Variants in COL25A1 observed in about 807,000 individuals in gnomAD.
The protein encoded by COL25A1 is collagen type XXV alpha 1 chain, also known as collagen alpha-1(XXV) chain.
COL25A1 carries 103 observed loss-of-function variants against 128.4 expected under a neutral mutation model. The ratio of observed to expected loss-of-function variants is 0.80; its 90% CI spans 0.68 to 0.94. The LOEUF (loss-of-function observed/expected upper bound fraction) is 0.94, where lower values mean the gene tolerates loss of function less well. Ranked by LOEUF, COL25A1 falls within the 40% of genes least tolerant of loss-of-function variation. COL25A1 has a pLI of 0.00. For synonymous variants in COL25A1, 279 were observed against 277.2 expected (o/e 1.01, Z -0.06); for missense variants, 745 against 840.0 (o/e 0.89, Z 1.40).
At chr4:109,183,615 G>A (rs186457391) in intron 3 of COL25A1, among the ~76,000 whole-genome samples, 1 of 152,104 alleles carries the variant, frequency 6.6e-6, no homozygotes, top group African/African-American at 2.4e-5. Context: ...ACTATAACGA[G>A]GTATTTCAGA....
intron 8 of COL25A1, among the ~76,000 whole-genome samples, chr4:108,950,761 C>T (rs1311257209): frequency 6.6e-6 from 1 of 152,134 alleles, no homozygotes; most frequent in Non-Finnish European, 1.5e-5. Context: ...TGCATTCCTT[C>T]GTGTGACAAA....
chr4:109,122,045 T>C (rs1768151059), intron 3 of COL25A1, among the ~76,000 whole-genome samples: 1 of 152,082 alleles, frequency 6.6e-6, no homozygotes, highest in Admixed American at 6.6e-5. Context: ...TATTATATGA[T>C]TCCAGCTATA....
intron 6 of COL25A1, among the ~76,000 whole-genome samples, chr4:109,004,997 G>T (rs1022866500): frequency 6.6e-6 from 1 of 152,174 alleles, no homozygotes; most frequent in African/African-American, 2.4e-5. Context: ...TTTAAAGGAT[G>T]CCCAATCCCT....
At position 109,235,543 on chromosome 4, in the gene COL25A1, C is replaced by T. The variant is rs548453792; in HGVS notation, c.367+65040G>A. Among the ~76,000 whole-genome samples, 19 of 107,886 alleles carry T rather than the reference C, an allele frequency of 1.8e-4. No individual in the cohort carries two copies. The South Asian group carries it at 4.6e-3, about 26-fold the overall frequency. 70.8% of individuals were successfully genotyped at this position (107,886 alleles called of 152,430 possible). On this transcript the variant is annotated intron_variant, in intron 3 of 37. Transcript: ENST00000399132. ...CCCCCAACAAACATACACCCACACA[C>T]GAATACACACACACACACACACAGC...
chr4:109,127,316 A>AT (rs1768716720), intron 3 of COL25A1, among the ~76,000 whole-genome samples: 1 of 152,116 alleles, frequency 6.6e-6, no homozygotes, highest in South Asian at 2.1e-4. Flanking sequence ...ATTCTTTCCA[A>AT]TACTCAAGGA....
chr4:108,952,388 T>C lies in COL25A1; in HGVS notation c.493-10951A>G, dbSNP rs370451284. Among the ~76,000 whole-genome samples the C allele has an allele frequency of 3.2e-4, 48 of 152,232 alleles. No homozygotes were observed. In the South Asian group the frequency reaches 1.0e-2, roughly 32 times the overall value. ...TTCTCCAGAAGTCCTGTTTAGAAGGTCAATTTGATTGTCAAACACTGCATA... is the reference window on the plus strand; with the variant it reads ...TTCTCCAGAAGTCCTGTTTAGAAGGCCAATTTGATTGTCAAACACTGCATA... On this transcript the variant is annotated intron_variant, in intron 8 of 37. Coordinates refer to ENST00000399132, the MANE Select transcript of COL25A1 (RefSeq NM_198721.4).
At chr4:109,262,316 C>A (rs1471334219) in intron 3 of COL25A1, among the ~76,000 whole-genome samples, 1 of 151,426 alleles carries the variant, frequency 6.6e-6, no homozygotes, top group Admixed American at 6.6e-5. Flanking sequence ...GAGTTCGAGA[C>A]CAGCCTGGCC....
intron 13 of COL25A1, among the ~76,000 whole-genome samples, chr4:108,908,405 T>A (rs921711141): frequency 2.0e-5 from 3 of 152,200 alleles, no homozygotes; most frequent in Admixed American, 2.0e-4. Context: ...TCTCTGTGTG[T>A]AGCAGTTCAG....
intron 6 of COL25A1, among the ~76,000 whole-genome samples, chr4:108,982,513 A>C (rs972931566): frequency 8.5e-5 from 13 of 152,300 alleles, no homozygotes; most frequent in African/African-American, 3.1e-4. Flanking sequence ...GAATGCAATA[A>C]AACTCTGTGT....
intron 3 of COL25A1, among the ~76,000 whole-genome samples, chr4:109,075,122 T>C (rs1401611110): frequency 3.3e-5 from 5 of 152,206 alleles, no homozygotes; most frequent in Non-Finnish European, 7.4e-5. Context: ...AGTTTTATGA[T>C]GAGAATATGA....
intron 3 of COL25A1, among the ~76,000 whole-genome samples, chr4:109,221,847 C>CTAAA (rs895664582): frequency 1.2e-4 from 18 of 151,650 alleles, no homozygotes; most frequent in Admixed American, 3.3e-4. Flanking sequence ...ACTTTCATGC[C>CTAAA]TAAATAAATA....
At chr4:108,862,078 A>G (rs1737293958) in intron 22 of COL25A1, among the ~76,000 whole-genome samples, 1 of 152,208 alleles carries the variant, frequency 6.6e-6, no homozygotes, top group African/African-American at 2.4e-5. Flanking sequence ...TATGATATAG[A>G]GGAGAATTTC....
intron 3 of COL25A1, among the ~76,000 whole-genome samples, chr4:109,162,698 T>C (rs544516051): frequency 2.6e-5 from 4 of 151,906 alleles, no homozygotes; most frequent in African/African-American, 7.2e-5. Flanking sequence ...ATGGAAAGAG[T>C]CAAAGTTTAC....
intron 3 of COL25A1, among the ~76,000 whole-genome samples, chr4:109,153,426 C>G (rs1029599085): frequency 2.0e-5 from 3 of 149,002 alleles, no homozygotes; most frequent in Non-Finnish European, 3.0e-5. Context: ...TTTTTAATAA[C>G]CAAAAAAGAA....
intron 3 of COL25A1, among the ~76,000 whole-genome samples, chr4:109,146,265 C>A (rs1370346335): frequency 1.3e-5 from 2 of 152,068 alleles, no homozygotes; most frequent in African/African-American, 4.8e-5. Flanking sequence ...AGTACTAACA[C>A]CCCTCATAAT....
chr4:109,244,870 T>C (rs1218498263), intron 3 of COL25A1, among the ~76,000 whole-genome samples: 2 of 152,172 alleles, frequency 1.3e-5, no homozygotes, highest in Non-Finnish European at 2.9e-5. Flanking sequence ...CCAATAAATA[T>C]GTGGATCTCT....
At chr4:109,003,673 C>T (rs10009555) in intron 6 of COL25A1, among the ~76,000 whole-genome samples, 120,563 of 151,682 alleles carry the variant, frequency 0.79, 49,077 homozygotes, top group East Asian at 1. Context: ...TGGTGGCGGA[C>T]GCCTATAATC....
intron 35 of COL25A1, among the ~76,000 whole-genome samples, chr4:108,822,043 A>ATTTTTTTTTTTTTTTTT (rs10567518): frequency 0.015 from 1,335 of 89,702 alleles, 225 homozygotes; most frequent in Non-Finnish European, 0.019. Flanking sequence ...CCTAATGGTA[A>ATTTTTTTTTTTTTTTTT]TTTTTTTTTT....
chr4:109,057,584 A>C (rs7680320), intron 3 of COL25A1, among the ~76,000 whole-genome samples: 75 of 151,732 alleles, frequency 4.9e-4, no homozygotes, highest in African/African-American at 1.7e-3. Context: ...GCCTGGCCTC[A>C]ATTTGAAATA....
Sources: gnomAD v4.1 joint callset for allele counts (sites outside exome capture counted in the v4.1 genomes callset) on GRCh38, gnomAD v4.1.1 for gene constraint, MANE v1.5 for transcripts, NCBI Gene and HGNC (gene_info 2026-07-23, HGNC 2026-07-21) for gene names.